The following EPHA6 variants were observed in gnomAD, a reference collection of about 807,000 sequenced individuals.
EPHA6 encodes EPH receptor A6.
A neutral mutation model predicts 112.0 loss-of-function variants in EPHA6; 50 were observed. That is an observed-to-expected ratio of 0.45 (90% CI 0.36 to 0.56). EPHA6 has a LOEUF of 0.56. Ranked by LOEUF, EPHA6 falls within the 20% of genes least tolerant of loss-of-function variation. The pLI is 0.00. For missense variants in EPHA6, 1,280 were observed against 1,417.4 expected (o/e 0.90, Z 1.56); for synonymous variants, 529 against 490.7 (o/e 1.08, Z -1.03).
chr3:97,091,354 A>G (rs1372076747), intron 3 of EPHA6, among the ~76,000 whole-genome samples: 1 of 152,164 alleles, frequency 6.6e-6, no homozygotes, highest in Admixed American at 6.6e-5. Context: ...AACCATAAAA[A>G]CAAAAATATC....
chr3:97,405,818 A>C (rs1185368940), intron 6 of EPHA6, among the ~76,000 whole-genome samples: 2 of 152,130 alleles, frequency 1.3e-5, no homozygotes, highest in African/African-American at 2.4e-5. Flanking sequence ...TTCAGTTGAC[A>C]AATCCTTATT....
At chr3:97,637,743 T>A in intron 13 of EPHA6, 130 bp from the exon 14 acceptor site, 2 of 679,928 alleles carry the variant, frequency 2.9e-6, no homozygotes, top group Non-Finnish European at 5.1e-6. Context: ...ATGAATATAG[T>A]CAGTGATCAC....
chr3:97,392,019 C>A (rs2086429293), intron 5 of EPHA6, among the ~76,000 whole-genome samples: 1 of 151,736 alleles, frequency 6.6e-6, no homozygotes, highest in African/African-American at 2.4e-5. Flanking sequence ...TGGTTTAAGA[C>A]ACTCTTGAAG....
intron 5 of EPHA6, among the ~76,000 whole-genome samples, chr3:97,277,002 G>A (rs2080107767): frequency 6.6e-6 from 1 of 152,122 alleles, no homozygotes; most frequent in Admixed American, 6.5e-5. Context: ...AGAGGCTGAG[G>A]AAGAATTGGG....
chr3:97,487,684 G>T (rs1027348877), intron 10 of EPHA6, among the ~76,000 whole-genome samples: 4 of 151,710 alleles, frequency 2.6e-5, no homozygotes, highest in Non-Finnish European at 4.4e-5. Flanking sequence ...TACTTTTTTT[G>T]TGTGTGTATC....
At chr3:96,844,023 T>C (rs1457397491) in intron 1 of EPHA6, among the ~76,000 whole-genome samples, 1 of 152,036 alleles carries the variant, frequency 6.6e-6, no homozygotes, top group Non-Finnish European at 1.5e-5. Context: ...TAGGCCCATT[T>C]TGAGTCCCTT....
chr3:97,008,008 C>A (rs2043949052), intron 3 of EPHA6, among the ~76,000 whole-genome samples: 1 of 152,160 alleles, frequency 6.6e-6, no homozygotes, highest in Admixed American at 6.5e-5. Context: ...TGTAGGTAAC[C>A]TGGCCTTTCT....
chr3:97,584,735 G>A (rs777385566), intron 11 of EPHA6, among the ~76,000 whole-genome samples: 2 of 152,206 alleles, frequency 1.3e-5, no homozygotes, highest in Non-Finnish European at 2.9e-5. Flanking sequence ...GAAAGATCAT[G>A]AAGGCATGGA....
chr3:97,164,085 T>C (rs912678570), intron 3 of EPHA6, among the ~76,000 whole-genome samples: 6 of 152,188 alleles, frequency 3.9e-5, no homozygotes, highest in Non-Finnish European at 8.8e-5. Context: ...CCAGTGACAA[T>C]AGGAGGTAAC....
intron 11 of EPHA6, among the ~76,000 whole-genome samples, chr3:97,538,368 A>G (rs751813121): frequency 2.0e-5 from 3 of 152,172 alleles, no homozygotes; most frequent in Non-Finnish European, 4.4e-5. Flanking sequence ...CCATAAGTAA[A>G]AAGATGGAGA....
At chr3:97,388,511 T>C (rs577303471) in intron 5 of EPHA6, among the ~76,000 whole-genome samples, 1 of 152,126 alleles carries the variant, frequency 6.6e-6, no homozygotes, top group East Asian at 1.9e-4. Context: ...TAACAATTCT[T>C]ATGGGAAAAA....
intron 5 of EPHA6, among the ~76,000 whole-genome samples, chr3:97,264,903 G>T (rs1394695376): frequency 1.3e-5 from 2 of 152,168 alleles, no homozygotes; most frequent in East Asian, 3.9e-4. Context: ...TCTCTGCTAG[G>T]CAGGTCATCC....
At chr3:97,305,329 A>G (rs1053248428) in intron 5 of EPHA6, among the ~76,000 whole-genome samples, 1 of 152,056 alleles carries the variant, frequency 6.6e-6, no homozygotes, top group Non-Finnish European at 1.5e-5. Context: ...AAGACCTAGA[A>G]CCAGAAATAC....
At chr3:97,082,605 G>A (rs188135027) in intron 3 of EPHA6, among the ~76,000 whole-genome samples, 19 of 151,732 alleles carry the variant, frequency 1.3e-4, no homozygotes, top group Admixed American at 5.3e-4. Context: ...ATCAATTCGA[G>A]GGCAGTTTAT....
At chr3:96,929,083 C>T (rs754194805) in intron 2 of EPHA6, among the ~76,000 whole-genome samples, 6 of 152,292 alleles carry the variant, frequency 3.9e-5, no homozygotes, top group Admixed American at 6.5e-5. Flanking sequence ...TTGAAGATGA[C>T]ATACCAATGG....
chr3:97,328,169 C>A (rs1384049127), intron 5 of EPHA6, among the ~76,000 whole-genome samples: 1 of 150,248 alleles, frequency 6.7e-6, no homozygotes, highest in Non-Finnish European at 1.5e-5. Context: ...TACATTTATA[C>A]ACAGGTTTTT....
intron 3 of EPHA6, among the ~76,000 whole-genome samples, chr3:97,167,571 GA>G (rs1327709289): frequency 2.0e-5 from 3 of 151,928 alleles, no homozygotes; most frequent in African/African-American, 7.3e-5. Context: ...CATTAATTTT[GA>G]AGTTCAAAAC....
rs1281568774 is a variant in EPHA6 at position 97,399,949 on chromosome 3, G to A, written c.1607-5201G>A. ...GAAGCTTTTAGTTTGATATAATCTC[G>A]TTTGTCTATTTTTGCTTTTGTTTTT... is the stretch of plus-strand genomic sequence containing the variant. On this transcript the variant is annotated intron_variant, in intron 5 of 17. Transcript: ENST00000389672. 4.0e-5 allele frequency among the ~76,000 whole-genome samples: 6 copies of A among 151,154 alleles called. No homozygotes were observed. In the South Asian group the frequency reaches 6.2e-4, roughly 16 times the overall value.
At chr3:97,649,887 C>A (rs576222378) in intron 14 of EPHA6, among the ~76,000 whole-genome samples, 1 of 152,052 alleles carries the variant, frequency 6.6e-6, no homozygotes, top group Non-Finnish European at 1.5e-5. Flanking sequence ...GAAATCGATG[C>A]GCTAATACTA....
Sources: allele counts gnomAD v4.1 joint callset (sites outside exome capture counted in the v4.1 genomes callset), GRCh38; gene constraint gnomAD v4.1.1; transcripts MANE v1.5; gene names NCBI Gene and HGNC (gene_info 2026-07-23, HGNC 2026-07-21).